MRPS28: variants seen among roughly 807,000 people sequenced by gnomAD.
MRPS28 encodes the protein small ribosomal subunit protein bS1m.
MRPS28 carries 7 observed loss-of-function variants against 10.8 expected under a neutral mutation model. The ratio of observed to expected loss-of-function variants is 0.65; its 90% CI spans 0.37 to 1.22. The LOEUF (loss-of-function observed/expected upper bound fraction) is 1.22, where lower values mean the gene tolerates loss of function less well. MRPS28 is among the 50% of genes most tolerant of loss of function. MRPS28 has a pLI of 0.02. For synonymous variants in MRPS28, 121 were observed against 93.3 expected (o/e 1.30, Z -1.71); for missense variants, 265 against 232.9 (o/e 1.14, Z -0.90).
At chr8:79,924,941 A>C (rs1418750080) in intron 2 of MRPS28, among the ~76,000 whole-genome samples, 1 of 152,204 alleles carries the variant, frequency 6.6e-6, no homozygotes, top group Non-Finnish European at 1.5e-5. Flanking sequence ...CTATTGAATA[A>C]GTGGCTAATT....
At chr8:79,980,051 T>C (rs1807914128) in intron 2 of MRPS28, among the ~76,000 whole-genome samples, 2 of 151,710 alleles carry the variant, frequency 1.3e-5, no homozygotes, top group Admixed American at 1.3e-4. Context: ...CTTCCTCATC[T>C]ATTAAATAAG....
At chr8:79,944,092 A>G (rs545723717) in intron 2 of MRPS28, among the ~76,000 whole-genome samples, 4 of 152,360 alleles carry the variant, frequency 2.6e-5, no homozygotes, top group Middle Eastern at 3.4e-3. Flanking sequence ...GTGGGCTACA[A>G]CTACAATAAT....
intron 2 of MRPS28, among the ~76,000 whole-genome samples, chr8:79,934,781 T>G (rs1262295265): frequency 6.6e-6 from 1 of 152,212 alleles, no homozygotes; most frequent in Admixed American, 6.5e-5. Context: ...GTAACAAAAC[T>G]TTATCTTAAA....
intron 1 of MRPS28, 125 bp downstream of exon 1, chr8:80,029,911 T>A (rs1321840878): frequency 3.3e-6 from 5 of 1,535,950 alleles, no homozygotes; most frequent in Non-Finnish European, 3.5e-6. Context: ...GCACCGCAAC[T>A]CCGGAAAACT....
chr8:80,005,599 ACAT>A (rs754039028), intron 1 of MRPS28, among the ~76,000 whole-genome samples: 1 of 152,232 alleles, frequency 6.6e-6, no homozygotes, highest in Non-Finnish European at 1.5e-5. Context: ...CAACCAGCTA[ACAT>A]CATAATGACA....
chr8:79,982,311 G>A (rs1017893681), intron 2 of MRPS28, among the ~76,000 whole-genome samples: 5 of 152,210 alleles, frequency 3.3e-5, no homozygotes, highest in East Asian at 3.9e-4. Flanking sequence ...GAACAGATCC[G>A]GTCTACAGCT....
chr8:79,957,129 T>G (rs1342642176), intron 2 of MRPS28: 1 of 152,234 alleles, frequency 6.6e-6, no homozygotes, highest in Non-Finnish European at 1.5e-5. Flanking sequence ...TCATTCATTC[T>G]CTTTGCCTAG....
At chr8:80,000,932 G>A (rs143964537) in intron 2 of MRPS28, among the ~76,000 whole-genome samples, 592 of 152,140 alleles carry the variant, frequency 3.9e-3, no homozygotes, top group Non-Finnish European at 6.1e-3. Context: ...TTAATTCAAT[G>A]AGAAAAAAGA....
intron 1 of MRPS28, among the ~76,000 whole-genome samples, chr8:80,029,537 CAAGTT>C (rs1247434304): frequency 1.3e-5 from 2 of 152,148 alleles, no homozygotes; most frequent in Non-Finnish European, 2.9e-5. Flanking sequence ...GAAGCGCTGA[CAAGTT>C]AAATCACTTG....
intron 2 of MRPS28, among the ~76,000 whole-genome samples, chr8:79,967,043 T>G (rs1375572165): frequency 6.6e-6 from 1 of 152,192 alleles, no homozygotes; most frequent in African/African-American, 2.4e-5. Context: ...GAGTAGTTCC[T>G]ATCTAAGGTC....
At chr8:80,005,657 G>A (rs769359045) in intron 1 of MRPS28, among the ~76,000 whole-genome samples, 116 of 152,218 alleles carry the variant, frequency 7.6e-4, no homozygotes, top group Middle Eastern at 3.4e-3. Context: ...ATGTAAATGG[G>A]CTACATGCTC....
At chr8:80,016,426 T>A (rs1386014954) in intron 1 of MRPS28, among the ~76,000 whole-genome samples, 1 of 149,878 alleles carries the variant, frequency 6.7e-6, no homozygotes, top group East Asian at 2.0e-4. Flanking sequence ...AAAAAAAAAA[T>A]ACTAACCTAG....
At chr8:80,008,638 G>A (rs926382668) in intron 1 of MRPS28, among the ~76,000 whole-genome samples, 1 of 152,184 alleles carries the variant, frequency 6.6e-6, no homozygotes, top group Admixed American at 6.5e-5. Flanking sequence ...CTTCTCAAAA[G>A]AAGACATTTA....
intron 2 of MRPS28, among the ~76,000 whole-genome samples, chr8:79,971,866 C>A (rs912938200): frequency 2.0e-5 from 3 of 152,028 alleles, no homozygotes; most frequent in Non-Finnish European, 4.4e-5. Flanking sequence ...CCACGTCTGG[C>A]TAATTTTTGT....
At chr8:80,027,311 C>T (rs1809516584) in intron 1 of MRPS28, among the ~76,000 whole-genome samples, 1 of 152,192 alleles carries the variant, frequency 6.6e-6, no homozygotes, top group African/African-American at 2.4e-5. Flanking sequence ...CCAGTTGAAG[C>T]ATTATCTCCA....
intron 2 of MRPS28, among the ~76,000 whole-genome samples, chr8:79,970,939 C>A (rs1230251945): frequency 6.6e-6 from 1 of 152,122 alleles, no homozygotes. Context: ...ATTGTTTGGG[C>A]TAAGAAATTA....
chr8:80,019,991 G>C (rs992533817), intron 1 of MRPS28, among the ~76,000 whole-genome samples: 1 of 152,174 alleles, frequency 6.6e-6, no homozygotes, highest in Non-Finnish European at 1.5e-5. Context: ...ATACAATTTA[G>C]GGAGACATGA....
intron 2 of MRPS28, among the ~76,000 whole-genome samples, chr8:79,951,690 G>T (rs1315824051): frequency 6.6e-6 from 1 of 152,180 alleles, no homozygotes; most frequent in Non-Finnish European, 1.5e-5. Context: ...GGAATGCAGA[G>T]AAACTTCTAC....
intron 1 of MRPS28, 66 bp downstream of exon 1, chr8:80,029,970 C>T (rs1586108196): frequency 7.7e-6 from 12 of 1,567,430 alleles, no homozygotes; most frequent in Non-Finnish European, 1.0e-5. Context: ...CGCCCCTATT[C>T]CCGACCCCGC....
Sources: gnomAD v4.1 joint callset for allele counts (sites outside exome capture counted in the v4.1 genomes callset) on GRCh38, gnomAD v4.1.1 for gene constraint, MANE v1.5 for transcripts, NCBI Gene and HGNC (gene_info 2026-07-23, HGNC 2026-07-21) for gene names.